Variants in XYLT1 observed in about 807,000 individuals in gnomAD.
The protein encoded by XYLT1 is beta-D-xylosyltransferase 1.
Under a neutral mutation model 91.3 loss-of-function variants are expected in XYLT1, and 36 were observed. The ratio of observed to expected loss-of-function variants is 0.39; its 90% confidence interval spans 0.30 to 0.52. The LOEUF (loss-of-function observed/expected upper bound fraction) is 0.52, where lower values mean the gene tolerates loss of function less well. XYLT1 is among the 20% of genes least tolerant of loss of function. The probability of loss-of-function intolerance (pLI) is 0.68; values close to 1 mark genes in which losing one functional copy is unlikely to be tolerated. For synonymous variants in XYLT1, 588 were observed against 532.0 expected, an observed-to-expected ratio of 1.11 and a Z score of -1.45; for missense variants, 1,242 against 1,284.5, an observed-to-expected ratio of 0.97 and a Z score of 0.51.
At chr16:17,205,421 G>A (rs1213562598) in intron 3 of XYLT1, among the ~76,000 whole-genome samples, 7 of 152,250 alleles carry the variant, frequency 4.6e-5, no homozygotes, top group Non-Finnish European at 1.0e-4. Context: ...TTTAGAACAT[G>A]ACCTGTGGTC....
At chr16:17,287,502 C>G (rs932681812) in intron 2 of XYLT1, among the ~76,000 whole-genome samples, 1 of 152,212 alleles carries the variant, frequency 6.6e-6, no homozygotes, top group Non-Finnish European at 1.5e-5. Flanking sequence ...CCAAATCTCC[C>G]CACCCCAATC....
intron 1 of XYLT1, among the ~76,000 whole-genome samples, chr16:17,427,916 T>C (rs920485954): frequency 1.3e-5 from 2 of 152,112 alleles, no homozygotes; most frequent in Non-Finnish European, 2.9e-5. Context: ...TTCAAACCTA[T>C]AGGAACCTCA....
At chr16:17,466,409 C>T (rs2036897509) in intron 1 of XYLT1, among the ~76,000 whole-genome samples, 1 of 152,148 alleles carries the variant, frequency 6.6e-6, no homozygotes, top group Admixed American at 6.6e-5. Context: ...CAGAGATATG[C>T]CTAAGGATAT....
intron 2 of XYLT1, among the ~76,000 whole-genome samples, chr16:17,281,879 C>G (rs2034063974): frequency 6.6e-6 from 1 of 152,150 alleles, no homozygotes; most frequent in Admixed American, 6.5e-5. Context: ...CACATGGATG[C>G]TGTAGGGTTC....
intron 2 of XYLT1, among the ~76,000 whole-genome samples, chr16:17,319,437 G>C (rs968209690): frequency 1.2e-4 from 18 of 151,642 alleles, no homozygotes; most frequent in Admixed American, 1.2e-3. Context: ...GTGAAACAGA[G>C]ACCATTCAGG....
At chr16:17,254,232 T>C (rs1033538405) in intron 3 of XYLT1, among the ~76,000 whole-genome samples, 3 of 152,154 alleles carry the variant, frequency 2.0e-5, no homozygotes, top group African/African-American at 7.2e-5. Context: ...ACAGCAGTAA[T>C]ACCAACCTCT....
Position 17,106,573 on chromosome 16 carries a change from C to G in XYLT1, c.*2122G>C, listed in dbSNP as rs1402307129. 1.3e-5 allele frequency: 2 copies of G among 152,172 alleles called. No homozygotes were observed. Among genetic ancestry groups the G allele is most frequent in the Non-Finnish European group, 2.9e-5 (2 of 68,070 alleles). The allele number at this position is 152,172 out of a possible 1,614,324, so 9.4% of individuals were successfully genotyped here. A position where few individuals can be genotyped will look rare whatever the true frequency, so the allele number is the denominator to read the frequency against. On this transcript the variant is annotated 3_prime_UTR_variant, in exon 12 of 12. Coordinates refer to ENST00000261381, the MANE Select transcript of XYLT1 (RefSeq NM_022166.4). ...CCCTCTGTTAAGGTCGCATGAATGCCCATAATTAGATGGGCCATGGGAAGG... is the reference window on the plus strand; with the variant it reads ...CCCTCTGTTAAGGTCGCATGAATGCGCATAATTAGATGGGCCATGGGAAGG...
chr16:17,157,880 C>G (rs2031448785), intron 6 of XYLT1, among the ~76,000 whole-genome samples: 1 of 152,276 alleles, frequency 6.6e-6, no homozygotes, highest in Admixed American at 6.5e-5. Flanking sequence ...TCCTGAGTAG[C>G]TGGAATTACA....
intron 2 of XYLT1, among the ~76,000 whole-genome samples, chr16:17,294,176 C>T (rs188778096): frequency 2.0e-5 from 3 of 152,252 alleles, no homozygotes; most frequent in Admixed American, 1.3e-4. Flanking sequence ...AAAATTTGGT[C>T]CTGTCTCTGC....
At position 17,470,746 on chromosome 16, in the gene XYLT1, C is replaced by T. The variant is rs779580489; in HGVS notation, c.51G>A (p.Ala17=). The change falls in exon 1 of 12, where the codon GCG becomes GCA. Residue 17 remains alanine (A), a synonymous_variant. Coordinates refer to ENST00000261381, the MANE Select transcript of XYLT1 (RefSeq NM_022166.4). Reference sequence around the variant, plus strand: ...GCAGCACCGTGAGCGCCGCGAGCAGCGCCGAGTGCGAGCGCCGGGCCAGCC... The same window carrying T: ...GCAGCACCGTGAGCGCCGCGAGCAGTGCCGAGTGCGAGCGCCGGGCCAGCC... ...ARRLARRSHS[A]LLAALTVLLL... is the part of the protein sequence containing the mutation. 1.3e-5 allele frequency: 14 copies of T among 1,113,000 alleles called. No individual in the cohort carries two copies. In the South Asian group the frequency reaches 1.9e-4, roughly 15 times the overall value. 68.9% of individuals were successfully genotyped at this position (1,113,000 alleles called of 1,614,324 possible).
At chr16:17,203,599 T>A (rs1047633706) in intron 3 of XYLT1, among the ~76,000 whole-genome samples, 2 of 151,984 alleles carry the variant, frequency 1.3e-5, no homozygotes, top group Admixed American at 1.3e-4. Flanking sequence ...CCTCCACCCA[T>A]CCACCCATTC....
chr16:17,302,943 A>G (rs1331151425), intron 2 of XYLT1, among the ~76,000 whole-genome samples: 1 of 152,008 alleles, frequency 6.6e-6, no homozygotes, highest in African/African-American at 2.4e-5. Flanking sequence ...AAGTGAGCAC[A>G]CATGTGACCG....
intron 3 of XYLT1, chr16:17,250,767 G>A (rs935579442): frequency 2.6e-4 from 40 of 152,324 alleles, no homozygotes; most frequent in African/African-American, 9.6e-4. Flanking sequence ...AAAGGGCCCA[G>A]TTGGAACTGC....
At chr16:17,192,013 C>T (rs1415739880) in intron 5 of XYLT1, among the ~76,000 whole-genome samples, 1 of 152,098 alleles carries the variant, frequency 6.6e-6, no homozygotes. Flanking sequence ...CTCAACCCTC[C>T]TCTCTTTACA....
At chr16:17,130,422 G>A (rs1165245048) in intron 9 of XYLT1, among the ~76,000 whole-genome samples, 1 of 152,036 alleles carries the variant, frequency 6.6e-6, no homozygotes, top group Non-Finnish European at 1.5e-5. Flanking sequence ...AGTGTTTCCA[G>A]AAAGCAGCAG....
intron 2 of XYLT1, among the ~76,000 whole-genome samples, chr16:17,269,184 T>A (rs1290400160): frequency 6.6e-6 from 1 of 152,020 alleles, no homozygotes; most frequent in African/African-American, 2.4e-5. Flanking sequence ...TTTCTTTCTT[T>A]TTTATTTATT....
At chr16:17,164,002 T>A (rs2031613333) in intron 5 of XYLT1, among the ~76,000 whole-genome samples, 1 of 114,520 alleles carries the variant, frequency 8.7e-6, no homozygotes, top group Admixed American at 1.3e-4. Flanking sequence ...CGCGCCACTG[T>A]ACTCCCACCT....
At chr16:17,349,513 G>A (rs763040314) in intron 2 of XYLT1, among the ~76,000 whole-genome samples, 1 of 151,878 alleles carries the variant, frequency 6.6e-6, no homozygotes, top group Non-Finnish European at 1.5e-5. Flanking sequence ...GCTTTAGCAG[G>A]CTCCTCTGTA....
chr16:17,395,157 T>C (rs1477365872), intron 1 of XYLT1, among the ~76,000 whole-genome samples: 2 of 152,104 alleles, frequency 1.3e-5, no homozygotes, highest in African/African-American at 4.8e-5. Flanking sequence ...AAGGGGGAAC[T>C]GCCAAACACT....
Sources: allele counts gnomAD v4.1 joint callset (sites outside exome capture counted in the v4.1 genomes callset), GRCh38; gene constraint gnomAD v4.1.1; transcripts MANE v1.5; gene names NCBI Gene and HGNC (gene_info 2026-07-23, HGNC 2026-07-21).